Variants in BRAF observed in about 807,000 individuals in gnomAD.
BRAF encodes the protein serine/threonine-protein kinase B-raf.
A neutral mutation model predicts 104.6 loss-of-function variants in BRAF; 16 were observed. That is an observed-to-expected ratio of 0.15 (90% CI 0.10 to 0.23). BRAF has a LOEUF of 0.23. Among genes scored for constraint, BRAF ranks in the 10% least tolerant of loss-of-function variants. BRAF has a pLI of 1.00. For missense variants in BRAF, 541 were observed against 937.3 expected (o/e 0.58, Z 5.52); for synonymous variants, 310 against 341.6 (o/e 0.91, Z 1.02).
chr7:140,884,293 T>C (rs1813273941), intron 1 of BRAF: 1 of 152,104 alleles, frequency 6.6e-6, no homozygotes, highest in African/African-American at 2.4e-5. Context: ...ACCACACTCC[T>C]AATTTCTAGA....
intron 1 of BRAF, among the ~76,000 whole-genome samples, chr7:140,902,069 T>A (rs1307020425): frequency 6.6e-6 from 1 of 152,246 alleles, no homozygotes; most frequent in Non-Finnish European, 1.5e-5. Flanking sequence ...TTACTGCTCT[T>A]AGCGGATAAT....
intron 3 of BRAF, among the ~76,000 whole-genome samples, chr7:140,809,503 G>A (rs1048086730): frequency 1.3e-5 from 2 of 152,158 alleles, no homozygotes; most frequent in African/African-American, 4.8e-5. Context: ...TTTCCTCTGG[G>A]AATATTCCCT....
At chr7:140,801,302 C>T in intron 6 of BRAF, 110 bp downstream of exon 6, 1 of 1,274,996 alleles carries the variant, frequency 7.8e-7, no homozygotes, top group Non-Finnish European at 1.1e-6. Context: ...TTCTCTATAA[C>T]AATCGTATGG....
downstream of BRAF, among the ~76,000 whole-genome samples, chr7:140,717,815 TATG>T (rs772832500): frequency 1.3e-5 from 2 of 152,230 alleles, no homozygotes; most frequent in African/African-American, 4.8e-5. Flanking sequence ...AATGAATTTC[TATG>T]ATGTTTATAT....
intron 1 of BRAF, among the ~76,000 whole-genome samples, chr7:140,915,381 A>T (rs1817505100): frequency 6.6e-6 from 1 of 152,154 alleles, no homozygotes; most frequent in Non-Finnish European, 1.5e-5. Flanking sequence ...ATTTAGTGCA[A>T]GAAAAAATAT....
chr7:140,760,809 T>G (rs556990142), intron 14 of BRAF, among the ~76,000 whole-genome samples: 1 of 151,568 alleles, frequency 6.6e-6, no homozygotes, highest in African/African-American at 2.4e-5. Flanking sequence ...ATGAAATGAA[T>G]GAAATGAAGC....
In BRAF at chr7:140,719,787, A is replaced by C; in HGVS notation, c.*6707T>G. 1 of 1,062,906 alleles carries C rather than the reference A, an allele frequency of 9.4e-7. No individual in the cohort carries two copies. The highest frequency in any genetic ancestry group is 4.6e-5 in the South Asian group (1 of 21,952). The allele number at this position is 1,062,906 out of a possible 1,614,324, so 65.8% of individuals were successfully genotyped here. On this transcript the variant is annotated 3_prime_UTR_variant, in exon 20 of 20. Transcript: ENST00000644969. ...AGCAGGTATAGAGAGGTCTGTGGAC[A>C]ATTAAAAAGTCCCCATCTTTTCACT...
At chr7:140,798,187 A>T (rs754941073) in intron 7 of BRAF, among the ~76,000 whole-genome samples, 2 of 151,968 alleles carry the variant, frequency 1.3e-5, no homozygotes, top group Non-Finnish European at 2.9e-5. Context: ...GGGAGGAAGT[A>T]GGGTTAAAAC....
At chr7:140,787,105 T>C (rs1455783652) in intron 9 of BRAF, among the ~76,000 whole-genome samples, 2 of 151,944 alleles carry the variant, frequency 1.3e-5, no homozygotes, top group Middle Eastern at 3.4e-3. Flanking sequence ...ATCGAGACCA[T>C]CCTGGCTAAC....
At chr7:140,727,242 G>A (rs1277190903) in intron 19 of BRAF, among the ~76,000 whole-genome samples, 1 of 149,328 alleles carries the variant, frequency 6.7e-6, no homozygotes, top group African/African-American at 2.5e-5. Context: ...GGAGTGCAAT[G>A]GTGCAATCTC....
chr7:140,841,343 A>G (rs1807944090), intron 2 of BRAF, among the ~76,000 whole-genome samples: 1 of 152,242 alleles, frequency 6.6e-6, no homozygotes, highest in African/African-American at 2.4e-5. Flanking sequence ...TTAGTTCCTC[A>G]AAGTGTAAAA....
At chr7:140,717,435 T>C (rs562317202), downstream of BRAF, among the ~76,000 whole-genome samples, 1 of 152,204 alleles carries the variant, frequency 6.6e-6, no homozygotes, top group Non-Finnish European at 1.5e-5. Flanking sequence ...CATGCCCAGC[T>C]AATTAAATTT....
At chr7:140,853,159 A>C (rs913127613) in intron 1 of BRAF, among the ~76,000 whole-genome samples, 2 of 151,652 alleles carry the variant, frequency 1.3e-5, no homozygotes, top group African/African-American at 4.8e-5. Flanking sequence ...CTGTAATCTC[A>C]GCACTTTGGG....
At chr7:140,922,163 G>C (rs1818295877) in intron 1 of BRAF, among the ~76,000 whole-genome samples, 1 of 152,020 alleles carries the variant, frequency 6.6e-6, no homozygotes, top group African/African-American at 2.4e-5. Context: ...TTAAAACCTG[G>C]GTAAAGAGGA....
chr7:140,874,590 T>C (rs1812001352), intron 1 of BRAF, among the ~76,000 whole-genome samples: 1 of 151,650 alleles, frequency 6.6e-6, no homozygotes, highest in South Asian at 2.1e-4. Flanking sequence ...TCTCAGTTTT[T>C]TCCCCTCACT....
At chr7:140,739,034 T>C (rs1295250018) in intron 18 of BRAF, among the ~76,000 whole-genome samples, 2 of 151,480 alleles carry the variant, frequency 1.3e-5, no homozygotes, top group Admixed American at 1.3e-4. Context: ...ACAAATGCCT[T>C]ACTGCCTTTT....
chr7:140,720,810 A>G lies in BRAF; in HGVS notation c.*5684T>C. Reference sequence around the variant, plus strand: ...CTTAACACAAAAATGCAACGCAGTAATTTTCAAAACAAAACCAGGACTAAG... The same window carrying G: ...CTTAACACAAAAATGCAACGCAGTAGTTTTCAAAACAAAACCAGGACTAAG... On this transcript the variant is annotated 3_prime_UTR_variant, in exon 20 of 20. Coordinates refer to ENST00000644969, the MANE Select transcript of BRAF (RefSeq NM_001374258.1). The G allele has an allele frequency of 2.8e-6, 3 of 1,066,140 alleles. No homozygotes were observed. The highest frequency in any genetic ancestry group is 3.4e-6 in the Non-Finnish European group (3 of 879,828). The allele number at this position is 1,066,140 out of a possible 1,614,324, so 66.0% of individuals were successfully genotyped here. A position where few individuals can be genotyped will look rare whatever the true frequency, so the allele number is the denominator to read the frequency against.
chr7:140,760,627 T>C (rs1798616161), intron 14 of BRAF, among the ~76,000 whole-genome samples: 2 of 151,710 alleles, frequency 1.3e-5, no homozygotes, highest in South Asian at 4.2e-4. Flanking sequence ...AAAGTTTTTT[T>C]TAATGAAAAT....
intron 1 of BRAF, among the ~76,000 whole-genome samples, chr7:140,899,365 T>C (rs1815334780): frequency 6.6e-6 from 1 of 152,160 alleles, no homozygotes; most frequent in African/African-American, 2.4e-5. Flanking sequence ...TCAAGAACCA[T>C]TAGTCTAGGG....
Sources: allele counts gnomAD v4.1 joint callset (sites outside exome capture counted in the v4.1 genomes callset), GRCh38; gene constraint gnomAD v4.1.1; transcripts MANE v1.5; gene names NCBI Gene and HGNC (gene_info 2026-07-23, HGNC 2026-07-21).